The following SPON1 variants were observed in gnomAD, a reference collection of about 807,000 sequenced individuals.
SPON1 encodes spondin 1, also known as spondin-1.
In SPON1, 52 loss-of-function variants were observed where a neutral mutation model predicts 111.7. The observed-to-expected ratio is 0.47, with a 90% CI of 0.37 to 0.59. The LOEUF (loss-of-function observed/expected upper bound fraction) is 0.59, where lower values mean the gene tolerates loss of function less well. SPON1 is among the 20% of genes least tolerant of loss of function. The probability of loss-of-function intolerance (pLI) is 0.00; values close to 1 mark genes in which losing one functional copy is unlikely to be tolerated. For missense variants in SPON1, 957 were observed against 1,068.5 expected (o/e 0.90, Z 1.46); for synonymous variants, 410 against 395.8 (o/e 1.04, Z -0.43).
chr11:14,110,994 CAAAT>C (rs782193687), intron 5 of SPON1, among the ~76,000 whole-genome samples: 7 of 152,146 alleles, frequency 4.6e-5, no homozygotes, highest in Non-Finnish European at 1.0e-4. Context: ...CTAGAAGTAT[CAAAT>C]GAATGACAGA....
At chr11:14,025,707 T>TAG (rs1554915232) in intron 2 of SPON1, among the ~76,000 whole-genome samples, 6 of 152,116 alleles carry the variant, frequency 3.9e-5, no homozygotes, top group African/African-American at 1.4e-4. Context: ...ACCTGGGTTC[T>TAG]TGGGGCTGGG....
chr11:13,975,985 C>G (rs74743241), intron 1 of SPON1, among the ~76,000 whole-genome samples: 1 of 152,212 alleles, frequency 6.6e-6, no homozygotes, highest in Non-Finnish European at 1.5e-5. Flanking sequence ...TTATCATCAT[C>G]ATCCCTTAAA....
intron 6 of SPON1, among the ~76,000 whole-genome samples, chr11:14,201,027 G>T (rs1815826095): frequency 6.6e-6 from 1 of 151,798 alleles, no homozygotes; most frequent in African/African-American, 2.4e-5. Flanking sequence ...TTCCATATCT[G>T]TAAAATAGGG....
In SPON1 at chr11:14,138,250, G is replaced by A. The variant is rs1847615662; in HGVS notation, c.825+2682G>A. ...CTTACGGCTCACTGCAAGTTTCAAGGGCATGAAGAATCACAATAGATATTC... is the reference window on the plus strand; with the variant it reads ...CTTACGGCTCACTGCAAGTTTCAAGAGCATGAAGAATCACAATAGATATTC... On this transcript the variant is annotated intron_variant, in intron 6 of 15. Coordinates refer to ENST00000576479, the MANE Select transcript of SPON1 (RefSeq NM_006108.4). Among the ~76,000 whole-genome samples the A allele has an allele frequency of 3.3e-5, 5 of 152,000 alleles. 1 individual carries two copies. The South Asian group carries it at 1.0e-3, about 32-fold the overall frequency.
intron 15 of SPON1, among the ~76,000 whole-genome samples, chr11:14,263,220 A>G (rs1849210509): frequency 1.3e-5 from 2 of 152,212 alleles, no homozygotes; most frequent in Non-Finnish European, 2.9e-5. Context: ...AGATAACCTA[A>G]TTACCTGCCA....
intron 6 of SPON1, among the ~76,000 whole-genome samples, chr11:14,203,037 A>G (rs10766168): frequency 0.23 from 34,909 of 152,006 alleles, 4,107 homozygotes; most frequent in Admixed American, 0.27. Context: ...CAGCCCTCAA[A>G]CCCCAGAAAA....
chr11:14,003,201 G>A (rs1848332877), intron 2 of SPON1, among the ~76,000 whole-genome samples: 1 of 152,192 alleles, frequency 6.6e-6, no homozygotes, highest in African/African-American at 2.4e-5. Context: ...AGTGGCAGCA[G>A]GGGAGTTCCC....
At chr11:14,145,455 G>C (rs574660996) in intron 6 of SPON1, among the ~76,000 whole-genome samples, 17 of 152,154 alleles carry the variant, frequency 1.1e-4, no homozygotes, top group African/African-American at 3.9e-4. Flanking sequence ...GCAAATAGAA[G>C]GCAAATTTAA....
At position 14,023,478 on chromosome 11, in the gene SPON1, CCT is replaced by C. The variant is rs1848495040; in HGVS notation, c.346-18038_346-18037del. Among the ~76,000 whole-genome samples the C allele has an allele frequency of 2.6e-5, 4 of 152,140 alleles. No homozygotes were observed. In the South Asian group the frequency reaches 8.3e-4, roughly 32 times the overall value. ...AGTAGATAATTAACAACACAAGTTC[CCT>C]CTCTTCGTGCTACAACTATATCAAC... On this transcript the variant is annotated intron_variant, in intron 2 of 15. Transcript: ENST00000576479.
At chr11:14,110,450 G>A (rs1449810897) in intron 5 of SPON1, among the ~76,000 whole-genome samples, 1 of 152,158 alleles carries the variant, frequency 6.6e-6, no homozygotes, top group Non-Finnish European at 1.5e-5. Flanking sequence ...AAACCAATAA[G>A]ATATATGTAT....
At chr11:14,180,784 C>T (rs782580623) in intron 6 of SPON1, among the ~76,000 whole-genome samples, 1 of 152,214 alleles carries the variant, frequency 6.6e-6, no homozygotes, top group Non-Finnish European at 1.5e-5. Context: ...CTCACCTCCA[C>T]TACTAAGTGA....
intron 5 of SPON1, among the ~76,000 whole-genome samples, chr11:14,131,746 A>C (rs1847532057): frequency 6.6e-6 from 1 of 152,192 alleles, no homozygotes; most frequent in Admixed American, 6.5e-5. Context: ...TTGTGGTTAT[A>C]AATGGGGCCT....
chr11:14,220,365 G>A (rs1322386572), intron 6 of SPON1, among the ~76,000 whole-genome samples: 1 of 152,186 alleles, frequency 6.6e-6, no homozygotes, highest in Admixed American at 6.5e-5. Context: ...GTGAGAAGGT[G>A]ATTTTTCTTC....
At chr11:14,262,539 C>T (rs1849197607) in intron 14 of SPON1, 173 bp from the exon 15 acceptor site, 3 of 790,348 alleles carry the variant, frequency 3.8e-6, no homozygotes, top group Non-Finnish European at 2.0e-6. Context: ...TTACCAACCA[C>T]ACGGGCTGAA....
intron 1 of SPON1, among the ~76,000 whole-genome samples, chr11:13,963,974 G>A (rs555917797): frequency 1.3e-5 from 2 of 152,284 alleles, no homozygotes; most frequent in Non-Finnish European, 2.9e-5. Flanking sequence ...TCCCAGGGAT[G>A]TCGCGCCTAC....
intron 6 of SPON1, among the ~76,000 whole-genome samples, chr11:14,216,513 T>C (rs1405609781): frequency 2.0e-5 from 3 of 152,200 alleles, no homozygotes; most frequent in Non-Finnish European, 4.4e-5. Context: ...TCTTAGTCTG[T>C]TTTTTGTTTC....
At chr11:14,213,911 C>T (rs978259480) in intron 6 of SPON1, among the ~76,000 whole-genome samples, 11 of 152,108 alleles carry the variant, frequency 7.2e-5, no homozygotes, top group Admixed American at 5.9e-4. Flanking sequence ...ATGTATTATG[C>T]CCCAGATGTC....
Position 14,255,680 on chromosome 11 carries a change from A to G in SPON1, c.1126A>G (p.Ile376Val), listed in dbSNP as rs1199672467. The change falls in exon 9 of 16, where the codon ATC (isoleucine) becomes GTC (valine). Residue 376 changes from isoleucine to valine, a missense_variant. This residue lies in a region of SPON1 where 549 missense variants were observed against 606.2 expected (regional missense o/e 0.91). Transcript: ENST00000576479. ...CAAACCCACCATTCCCCAGGAGAAA[A>G]TCCGGCCCCTGACCAGCCTGGACCA... ...PNKPTIPQEKIRPLTSLDHPQ... is the reference protein window; with the variant it reads ...PNKPTIPQEKVRPLTSLDHPQ... The G allele has an allele frequency of 1.2e-6, 2 of 1,613,642 alleles. No homozygotes were observed. Among genetic ancestry groups the G allele is most frequent in the Non-Finnish European group, 1.7e-6 (2 of 1,179,872 alleles).
chr11:14,062,362 CATAA>C (rs1201256638), intron 3 of SPON1, among the ~76,000 whole-genome samples: 2 of 152,160 alleles, frequency 1.3e-5, no homozygotes, highest in Non-Finnish European at 2.9e-5. Flanking sequence ...TTACATAAAT[CATAA>C]ATATTTATGG....
Sources: allele counts gnomAD v4.1 joint callset (sites outside exome capture counted in the v4.1 genomes callset), GRCh38; gene constraint gnomAD v4.1.1; regional missense constraint gnomAD v4.1.1; transcripts MANE v1.5; gene names NCBI Gene and HGNC (gene_info 2026-07-23, HGNC 2026-07-21).